RBFOX1: variants seen among roughly 807,000 people sequenced by gnomAD.
The protein encoded by RBFOX1 is RNA binding fox-1 homolog 1, also known as RNA binding protein fox-1 homolog 1.
A neutral mutation model predicts 57.7 loss-of-function variants in RBFOX1; 8 were observed. The ratio of observed to expected loss-of-function variants is 0.14; its 90% CI spans 0.08 to 0.25. The LOEUF (loss-of-function observed/expected upper bound fraction) is 0.25, where lower values mean the gene tolerates loss of function less well. Among genes scored for constraint, RBFOX1 ranks in the 10% least tolerant of loss-of-function variants. The probability of loss-of-function intolerance (pLI) is 1.00; values close to 1 mark genes in which losing one functional copy is unlikely to be tolerated. For missense variants in RBFOX1, 611 were observed against 548.5 expected (o/e 1.11, Z -1.14); for synonymous variants, 326 against 222.4 (o/e 1.47, Z -4.15).
At chr16:5,308,403 C>G (rs2063994562) in intron 1 of RBFOX1, among the ~76,000 whole-genome samples, 1 of 151,742 alleles carries the variant, frequency 6.6e-6, no homozygotes, top group Admixed American at 6.6e-5. Flanking sequence ...TTTGAATTCT[C>G]TTAGCTTCAA....
intron 2 of RBFOX1, among the ~76,000 whole-genome samples, chr16:6,493,914 T>G (rs1221770120): frequency 1.3e-5 from 2 of 152,218 alleles, no homozygotes; most frequent in Non-Finnish European, 2.9e-5. Context: ...AAATAGTTTC[T>G]TAATACATCT....
intron 1 of RBFOX1, among the ~76,000 whole-genome samples, chr16:5,314,851 T>C (rs1423014654): frequency 6.6e-6 from 1 of 151,794 alleles, no homozygotes; most frequent in African/African-American, 2.4e-5. Flanking sequence ...AAAAGAACTT[T>C]CAGGTCAAAG....
At chr16:6,677,865 A>G (rs559159807) in intron 3 of RBFOX1, among the ~76,000 whole-genome samples, 6 of 152,186 alleles carry the variant, frequency 3.9e-5, no homozygotes, top group South Asian at 2.1e-4. Flanking sequence ...AAGGCCTATT[A>G]ATATAGGCTC....
In RBFOX1 at chr16:6,821,569, C is replaced by T. The variant is rs74871827; in HGVS notation, c.-16+166919C>T. 4.6e-3 allele frequency among the ~76,000 whole-genome samples: 707 copies of T among 152,254 alleles called. 4 individuals are homozygous for T. Among genetic ancestry groups the T allele is most frequent in the African/African-American group, 0.015 (620 of 41,550 alleles). ...CTTTTCATTTCTCTCTCCCCCCAAC[C>T]GCTGGTAACCACTGGTCGGTCTGTC... On this transcript the variant is annotated intron_variant, in intron 3 of 15. Coordinates refer to ENST00000550418, the MANE Select transcript of RBFOX1 (RefSeq NM_018723.4).
At chr16:6,966,205 C>T (rs1319569185) in intron 3 of RBFOX1, among the ~76,000 whole-genome samples, 1 of 152,054 alleles carries the variant, frequency 6.6e-6, no homozygotes, top group Non-Finnish European at 1.5e-5. Context: ...AGCTGCCTTC[C>T]CCTCTCTGTC....
At chr16:5,442,266 A>G (rs557436920) in intron 1 of RBFOX1, among the ~76,000 whole-genome samples, 2 of 152,342 alleles carry the variant, frequency 1.3e-5, no homozygotes, top group South Asian at 2.1e-4. Context: ...AGTACTGCAC[A>G]GGGATGTTGC....
At chr16:7,417,831 G>C (rs2098499107) in intron 4 of RBFOX1, among the ~76,000 whole-genome samples, 1 of 152,146 alleles carries the variant, frequency 6.6e-6, no homozygotes, top group African/African-American at 2.4e-5. Flanking sequence ...CTCACACAGA[G>C]CTTGATTGTC....
intron 3 of RBFOX1, among the ~76,000 whole-genome samples, chr16:5,709,675 A>T (rs1002701992): frequency 1.3e-5 from 2 of 148,634 alleles, no homozygotes; most frequent in Non-Finnish European, 3.0e-5. Context: ...TGTCTTTTTC[A>T]TTCAGGAGTT....
At chr16:6,978,206 G>A (rs1028965664) in intron 3 of RBFOX1, among the ~76,000 whole-genome samples, 1 of 152,194 alleles carries the variant, frequency 6.6e-6, no homozygotes, top group Non-Finnish European at 1.5e-5. Context: ...GCCCTCGGTT[G>A]CAGTTCGAAA....
intron 4 of RBFOX1, among the ~76,000 whole-genome samples, chr16:7,401,822 C>G (rs2098249076): frequency 1.3e-5 from 2 of 152,116 alleles, no homozygotes. Flanking sequence ...TAACCTAGCA[C>G]AGGAGGCCAA....
intron 5 of RBFOX1, among the ~76,000 whole-genome samples, chr16:7,559,859 G>A (rs1052935958): frequency 2.1e-4 from 32 of 152,292 alleles, no homozygotes; most frequent in African/African-American, 6.7e-4. Flanking sequence ...GGGAAGAAAG[G>A]CCTTTAGGGA....
At chr16:6,874,273 G>T (rs533257416) in intron 3 of RBFOX1, among the ~76,000 whole-genome samples, 2 of 152,170 alleles carry the variant, frequency 1.3e-5, no homozygotes, top group South Asian at 2.1e-4. Context: ...ACTTCGGGAG[G>T]CTGAGGCAGG....
intron 4 of RBFOX1, among the ~76,000 whole-genome samples, chr16:7,091,497 C>G (rs768127793): frequency 8.6e-5 from 13 of 151,724 alleles, no homozygotes; most frequent in Non-Finnish European, 1.6e-4. Context: ...GCGGCAGCAT[C>G]TCTCCTTTTA....
intron 4 of RBFOX1, among the ~76,000 whole-genome samples, chr16:5,975,977 C>T (rs141497626): frequency 4.6e-5 from 7 of 152,070 alleles, no homozygotes; most frequent in Admixed American, 4.6e-4. Flanking sequence ...AACCCCATCT[C>T]TGCTAATAAT....
chr16:6,958,114 G>T (rs974727251), intron 3 of RBFOX1, among the ~76,000 whole-genome samples: 10 of 152,150 alleles, frequency 6.6e-5, no homozygotes, highest in African/African-American at 2.4e-4. Flanking sequence ...GCAGAAATGG[G>T]TGACCGGATT....
chr16:5,908,862 T>A (rs1314640023), intron 4 of RBFOX1, among the ~76,000 whole-genome samples: 1 of 151,884 alleles, frequency 6.6e-6, no homozygotes, highest in Non-Finnish European at 1.5e-5. Context: ...ATGAGTGGGA[T>A]TAGTGTCCTT....
At chr16:5,790,687 A>T (rs2054661035) in intron 3 of RBFOX1, among the ~76,000 whole-genome samples, 1 of 151,980 alleles carries the variant, frequency 6.6e-6, no homozygotes, top group Non-Finnish European at 1.5e-5. Flanking sequence ...CCTACTCCAC[A>T]GGGGCTGCCA....
chr16:7,524,595 C>A (rs1467180205), intron 5 of RBFOX1, among the ~76,000 whole-genome samples: 1 of 152,152 alleles, frequency 6.6e-6, no homozygotes, highest in Non-Finnish European at 1.5e-5. Flanking sequence ...AAACGGCTCC[C>A]ACCACTTTCC....
At chr16:5,424,666 C>T (rs969855142) in intron 1 of RBFOX1, among the ~76,000 whole-genome samples, 2 of 151,950 alleles carry the variant, frequency 1.3e-5, no homozygotes, top group Non-Finnish European at 2.9e-5. Flanking sequence ...GCACGTGTAT[C>T]CTGGAACTTA....
Sources: allele counts gnomAD v4.1 joint callset (sites outside exome capture counted in the v4.1 genomes callset), GRCh38; gene constraint gnomAD v4.1.1; transcripts MANE v1.5; gene names NCBI Gene and HGNC (gene_info 2026-07-23, HGNC 2026-07-21).